ZNF804B: variants seen among roughly 807,000 people sequenced by gnomAD.
ZNF804B encodes zinc finger protein 804B.
ZNF804B carries 80 observed loss-of-function variants against 101.4 expected under a neutral mutation model. The observed-to-expected ratio is 0.79, with a 90% CI of 0.66 to 0.95. ZNF804B has a LOEUF of 0.95. Ranked by LOEUF, ZNF804B falls within the 40% of genes least tolerant of loss-of-function variation. The pLI is 0.00. For missense variants in ZNF804B, 1,673 were observed against 1,561.9 expected (o/e 1.07, Z -1.20); for synonymous variants, 622 against 558.8 (o/e 1.11, Z -1.59).
At chr7:89,310,101 G>C (rs557689891) in intron 2 of ZNF804B, among the ~76,000 whole-genome samples, 1 of 146,308 alleles carries the variant, frequency 6.8e-6, no homozygotes, top group Non-Finnish European at 1.5e-5. Context: ...AAAAAAAAAA[G>C]AGTCAGCTTT....
intron 1 of ZNF804B, among the ~76,000 whole-genome samples, chr7:88,877,050 T>TAATATATATATAATATATA (rs1491216741): frequency 1.5e-4 from 3 of 20,200 alleles, no homozygotes; most frequent in African/African-American, 5.9e-4. Flanking sequence ...TATATATATA[T>TAATATATATATAATATATA]TTTTTTTTTT....
intron 2 of ZNF804B, among the ~76,000 whole-genome samples, chr7:89,326,364 G>T (rs968887922): frequency 6.6e-6 from 1 of 151,992 alleles, no homozygotes; most frequent in African/African-American, 2.4e-5. Context: ...CTAATGAAAG[G>T]TTTTGGCCCT....
At chr7:88,811,202 G>T (rs1232111786) in intron 1 of ZNF804B, among the ~76,000 whole-genome samples, 1 of 152,134 alleles carries the variant, frequency 6.6e-6, no homozygotes. Flanking sequence ...TTGCACTGGG[G>T]TTGTCAGAAA....
intron 1 of ZNF804B, among the ~76,000 whole-genome samples, chr7:88,835,140 T>C (rs753481429): frequency 1.3e-5 from 2 of 151,892 alleles, no homozygotes; most frequent in African/African-American, 2.4e-5. Context: ...TTTTTAGTGG[T>C]AATAAAATTA....
chr7:89,026,977 A>G (rs997357631), intron 1 of ZNF804B, among the ~76,000 whole-genome samples: 4 of 152,168 alleles, frequency 2.6e-5, no homozygotes, highest in African/African-American at 7.2e-5. Context: ...ATTTAGAGTG[A>G]GAAGAAAAGT....
At chr7:89,220,685 T>A (rs2115709165) in intron 2 of ZNF804B, among the ~76,000 whole-genome samples, 2 of 152,084 alleles carry the variant, frequency 1.3e-5, no homozygotes, top group South Asian at 4.1e-4. Context: ...CAACAGTAAA[T>A]TTTTAAATAC....
At position 89,335,675 on chromosome 7, in the gene ZNF804B, G is replaced by A. The variant is rs149304329; in HGVS notation, c.2693G>A (p.Cys898Tyr). 44 of 1,613,920 alleles carry A rather than the reference G, an allele frequency of 2.7e-5. No homozygotes were observed. The highest frequency in any genetic ancestry group is 1.2e-4 in the Admixed American group (7 of 59,932). ...AAGTGTAACTCCGGGAATATCAGCT[G>A]CCTTCTAAAGAACTGTTCCAGTGGC... ...PMKCNSGNIS[C>Y]LLKNCSSGPS... The change falls in exon 4 of 4, where the codon TGC (cysteine) becomes TAC (tyrosine). Residue 898 changes from cysteine to tyrosine, a missense_variant. By Grantham distance (194) the Cys-to-Tyr change is radical (BLOSUM62 -2). Transcript: ENST00000333190.
At chr7:89,145,947 T>A (rs1215749092) in intron 1 of ZNF804B, among the ~76,000 whole-genome samples, 1 of 152,078 alleles carries the variant, frequency 6.6e-6, no homozygotes, top group African/African-American at 2.4e-5. Flanking sequence ...CATTAGCTAA[T>A]CTCAAAAACT....
intron 1 of ZNF804B, among the ~76,000 whole-genome samples, chr7:88,798,162 C>T (rs1790520563): frequency 1.3e-5 from 2 of 152,014 alleles, no homozygotes; most frequent in East Asian, 3.9e-4. Flanking sequence ...AACACAATAT[C>T]TCTCTGATAA....
intron 1 of ZNF804B, among the ~76,000 whole-genome samples, chr7:88,771,180 C>T (rs935563573): frequency 2.0e-5 from 3 of 151,958 alleles, no homozygotes; most frequent in Non-Finnish European, 2.9e-5. Context: ...AAGGCTTTCT[C>T]TTTTGGTTTT....
chr7:88,791,714 A>G (rs1299944577), intron 1 of ZNF804B, among the ~76,000 whole-genome samples: 3 of 152,178 alleles, frequency 2.0e-5, no homozygotes, highest in Non-Finnish European at 4.4e-5. Context: ...ATTTTGGTAC[A>G]TAAATTAATG....
chr7:88,999,658 C>G, intron 1 of ZNF804B, among the ~76,000 whole-genome samples: 1 of 151,804 alleles, frequency 6.6e-6, no homozygotes, highest in Non-Finnish European at 1.5e-5. Flanking sequence ...TTTAAAATAG[C>G]ATTTTATGGA....
intron 2 of ZNF804B, among the ~76,000 whole-genome samples, chr7:89,286,983 C>T (rs1790209080): frequency 6.6e-6 from 1 of 152,114 alleles, no homozygotes; most frequent in Non-Finnish European, 1.5e-5. Flanking sequence ...CCGACCCCTC[C>T]TTTTCCTCCT....
intron 1 of ZNF804B, among the ~76,000 whole-genome samples, chr7:88,840,960 A>C (rs71572431): frequency 6.6e-6 from 1 of 152,204 alleles, no homozygotes; most frequent in African/African-American, 2.4e-5. Context: ...CTGCTAGGGA[A>C]TATAATATTT....
chr7:89,299,110 A>G (rs1263439400), intron 2 of ZNF804B, among the ~76,000 whole-genome samples: 1 of 152,012 alleles, frequency 6.6e-6, no homozygotes, highest in African/African-American at 2.4e-5. Context: ...TGTTTTCCAA[A>G]GCTTAAGAAC....
chr7:88,930,566 T>C (rs1792867370), intron 1 of ZNF804B, among the ~76,000 whole-genome samples: 1 of 152,004 alleles, frequency 6.6e-6, no homozygotes, highest in Non-Finnish European at 1.5e-5. Context: ...AAATTATGTT[T>C]ATGATTCATA....
At chr7:89,272,273 A>C (rs1789910054) in intron 2 of ZNF804B, among the ~76,000 whole-genome samples, 1 of 152,152 alleles carries the variant, frequency 6.6e-6, no homozygotes, top group African/African-American at 2.4e-5. Context: ...ATGGTCAATA[A>C]ATATGTGTTG....
chr7:89,141,729 T>G (rs73395206), intron 1 of ZNF804B, among the ~76,000 whole-genome samples: 1 of 151,982 alleles, frequency 6.6e-6, no homozygotes, highest in Non-Finnish European at 1.5e-5. Flanking sequence ...ACTCATCTTC[T>G]GTTTTTCTCT....
chr7:88,847,269 C>A (rs919475727), intron 1 of ZNF804B, among the ~76,000 whole-genome samples: 1 of 152,012 alleles, frequency 6.6e-6, no homozygotes, highest in East Asian at 1.9e-4. Context: ...GTGAGCATAA[C>A]ATTTTTCTCA....
Sources: gnomAD v4.1 joint callset for allele counts (sites outside exome capture counted in the v4.1 genomes callset) on GRCh38, gnomAD v4.1.1 for gene constraint, MANE v1.5 for transcripts, NCBI Gene and HGNC (gene_info 2026-07-23, HGNC 2026-07-21) for gene names.